Variants in COL1A1 observed in about 807,000 individuals in gnomAD.
The protein encoded by COL1A1 is collagen type I alpha 1 chain, also known as collagen alpha-1(I) chain.
A neutral mutation model predicts 195.7 loss-of-function variants in COL1A1; 21 were observed. The observed-to-expected ratio is 0.11, with a 90% CI of 0.08 to 0.15. COL1A1 has a LOEUF of 0.15. Ranked by LOEUF, COL1A1 falls within the 10% of genes least tolerant of loss-of-function variation. The pLI, the probability that COL1A1 is intolerant of heterozygous loss-of-function variation, is 1.00. For missense variants in COL1A1, 1,365 were observed against 2,051.0 expected (o/e 0.67, Z 6.46); for synonymous variants, 749 against 747.3 (o/e 1.00, Z -0.04).
intron 1 of COL1A1, chr17:50,200,184 T>G: frequency 1.1e-5 from 6 of 569,796 alleles, no homozygotes; most frequent in East Asian, 3.0e-5. Flanking sequence ...AACAAAGCTT[T>G]AGTCCGCGGT....
At chr17:50,200,795 C>G (rs950398439) in intron 1 of COL1A1, among the ~76,000 whole-genome samples, 1 of 152,192 alleles carries the variant, frequency 6.6e-6, no homozygotes, top group Non-Finnish European at 1.5e-5. Context: ...GGTGGGGGTC[C>G]GCACCCAGCA....
At chr17:50,191,024 C>G (rs1907029186) in intron 32 of COL1A1, 100 bp from the exon 33 acceptor site, 11 of 1,109,968 alleles carry the variant, frequency 9.9e-6, no homozygotes, top group Non-Finnish European at 1.3e-5. Context: ...CTCTGCAGCT[C>G]TGCCCTGCCT....
Position 50,186,219 on chromosome 17 carries a change from A to C in COL1A1, c.4005+98T>G. ...CCTGCCTCCCAGCCCAGCTCTGTCC[A>C]TCACCCTTAGCAGAGACCTACTCCA... On this transcript the variant is annotated intron_variant, in intron 49 of 50. Transcript: ENST00000225964. The surrounding 1 kb of genome is among the most constrained non-coding windows in gnomAD (Gnocchi z 5.3). 6.4e-7 allele frequency: 1 copy of C among 1,563,716 alleles called. No individual in the cohort carries two copies. The highest frequency in any genetic ancestry group is 1.1e-5 in the South Asian group (1 of 89,742).
Position 50,195,871 on chromosome 17 carries a change from T to C in COL1A1, c.1056+52A>G. 6.4e-7 allele frequency: 1 copy of C among 1,550,532 alleles called. No individual in the cohort carries two copies. On this transcript the variant is annotated intron_variant, in intron 16 of 50. Transcript: ENST00000225964. This position sits in a 1 kb window ranked among gnomAD's most constrained non-coding sequence, Gnocchi z 4.3. ...CTTTGGTTTGGGGAACAGGGAGACATGAACCCCTTGGCCCATGAGGGTCAT... is the reference window on the plus strand; with the variant it reads ...CTTTGGTTTGGGGAACAGGGAGACACGAACCCCTTGGCCCATGAGGGTCAT...
At chr17:50,191,337 G>T in intron 32 of COL1A1, 46 bp downstream of exon 32, 1 of 1,505,104 alleles carries the variant, frequency 6.6e-7, no homozygotes, top group Non-Finnish European at 9.3e-7. Flanking sequence ...AGCAGGCAGA[G>T]ATGGGAGCCA....
chr17:50,188,672 C>G lies in COL1A1; in HGVS notation c.3100-35G>C. 2 of 1,613,268 alleles carry G rather than the reference C, an allele frequency of 1.2e-6. No homozygotes were observed. The highest frequency in any genetic ancestry group is 2.2e-5 in the South Asian group (2 of 91,058). ...AGAGCAGGGGAATATGGGTCAGCCC[C>G]GGGTGAAGGGCCAGGATGGGGCAGG... On this transcript the variant is annotated intron_variant, in intron 42 of 50. Transcript: ENST00000225964. The surrounding 1 kb of genome is among the most constrained non-coding windows in gnomAD (Gnocchi z 5.6).
intron 8 of COL1A1, 42 bp downstream of exon 8, chr17:50,197,907 G>A: frequency 6.2e-7 from 1 of 1,606,502 alleles, no homozygotes; most frequent in African/African-American, 1.3e-5. Flanking sequence ...GAGAGTCTGT[G>A]TGTTTGTAGA....
In COL1A1 at chr17:50,199,823, G is replaced by T. The variant is rs1314366641; in HGVS notation, c.228C>A (p.Asp76Glu). The T allele has an allele frequency of 6.2e-7, 1 of 1,613,974 alleles. No individual in the cohort carries two copies. Among genetic ancestry groups the T allele is most frequent in the Non-Finnish European group, 8.5e-7 (1 of 1,180,026 alleles). ...CGGCGCCGGGGCAGTTCTTGGTCTC[G>T]TCACAGATCACGTCATCGCACAACA... ...GKVLCDDVIC[D>E]ETKNCPGAEV... The change falls in exon 2 of 51, where the codon GAC becomes GAA. Residue 76 changes from aspartate (D) to glutamate (E), a missense_variant. Transcript: ENST00000225964.
At chr17:50,193,147 C>A in intron 25 of COL1A1, 100 bp from the exon 26 acceptor site, 1 of 1,257,374 alleles carries the variant, frequency 8.0e-7, no homozygotes, top group Non-Finnish European at 1.1e-6. Flanking sequence ...AAGGGACTTT[C>A]TTTTCAAAAG....
chr17:50,191,291 G>T, intron 32 of COL1A1, 92 bp downstream of exon 32: 1 of 1,206,606 alleles, frequency 8.3e-7, no homozygotes, highest in South Asian at 1.2e-5. Flanking sequence ...AAGAGGGACA[G>T]ATCCCAGAGA....
At chr17:50,198,837 G>A (rs1003456002) in intron 5 of COL1A1, 4 of 430,748 alleles carry the variant, frequency 9.3e-6, no homozygotes, top group African/African-American at 8.0e-5. Context: ...CCAGATTGGG[G>A]TGGTGGGGGG....
Position 50,185,394 on chromosome 17 carries a change from C to G in COL1A1, c.*108G>C. 1.7e-6 allele frequency: 2 copies of G among 1,205,224 alleles called. No individual in the cohort carries two copies. The highest frequency in any genetic ancestry group is 2.4e-5 in the South Asian group (2 of 81,902). The allele number at this position is 1,205,224 out of a possible 1,614,324, so 74.7% of individuals were successfully genotyped here. On this transcript the variant is annotated 3_prime_UTR_variant, in exon 51 of 51. Transcript: ENST00000225964. ...TTTTCCAAAGTCCATGTGAAATTGT[C>G]TCCCATTTTTTGGCTTTTGAGGGGG...
In COL1A1 at chr17:50,198,494, G is replaced by C; in HGVS notation, c.482C>G (p.Pro161Arg). Reference sequence around the variant, plus strand: ...CTCATCATAGCCATAAGACAGCTGGGGAGCAAAGTTCTAGAACAAACAAGA... The same window carrying C: ...CTCATCATAGCCATAAGACAGCTGGCGAGCAAAGTTCTAGAACAAACAAGA... The part of the protein sequence containing the change: ...GPPGLGGNFA[P>R]QLSYGYDEKS... Residue 161 changes from proline to arginine, a missense_variant, in exon 6 of 51, where the codon CCC becomes CGC. Coordinates refer to ENST00000225964, the MANE Select transcript of COL1A1 (RefSeq NM_000088.4). The C allele has an allele frequency of 1.2e-6, 2 of 1,612,566 alleles. No individual in the cohort carries two copies. Among genetic ancestry groups the C allele is most frequent in the Non-Finnish European group, 1.7e-6 (2 of 1,179,430 alleles).
At chr17:50,193,479 TTCTTC>T in intron 25 of COL1A1, 1 of 148,560 alleles carries the variant, frequency 6.7e-6, no homozygotes, top group Non-Finnish European at 1.2e-5. Context: ...CTTTCTTTCT[TTCTTC>T]TTTTTTTTTT....
chr17:50,198,218 A>G lies in COL1A1; in HGVS notation c.544-13T>C, dbSNP rs1043844404. 6.2e-7 allele frequency: 1 copy of G among 1,613,924 alleles called. No individual in the cohort carries two copies. Among genetic ancestry groups the G allele is most frequent in the African/African-American group, 1.3e-5 (1 of 74,990 alleles). ...GACCAGAGGGACCCTATAGAGGGAGAAGAAAGGGGGGTCATGGTGATCCCT... is the reference window on the plus strand; with the variant it reads ...GACCAGAGGGACCCTATAGAGGGAGGAGAAAGGGGGGTCATGGTGATCCCT... On this transcript the variant is annotated splice_polypyrimidine_tract_variant and intron_variant, in intron 6 of 50. Coordinates refer to ENST00000225964, the MANE Select transcript of COL1A1 (RefSeq NM_000088.4).
chr17:50,191,041 G>A, intron 32 of COL1A1, 117 bp from the exon 33 acceptor site: 1 of 980,804 alleles, frequency 1.0e-6, no homozygotes, highest in South Asian at 1.4e-5. Flanking sequence ...GCCTCCACCT[G>A]GGCCAAGGAC....
Position 50,196,521 on chromosome 17 carries a change from G to A in COL1A1, c.866C>T (p.Pro289Leu). Reference protein sequence around the residue: ...DAGPAGPKGEPGSPGENGAPG... With the variant: ...DAGPAGPKGELGSPGENGAPG... ...AGCTCCATTTTCACCAGGGCTGCCA[G>A]GCTCACCCTGTAGATCAGAGAATAA... Residue 289 changes from proline to leucine, a missense_variant, in exon 13 of 51, where the codon CCT becomes CTT. This residue lies in a region of COL1A1 where 226 missense variants were observed against 372.9 expected (regional missense o/e 0.61). Coordinates refer to ENST00000225964, the MANE Select transcript of COL1A1 (RefSeq NM_000088.4). The A allele has an allele frequency of 6.2e-7, 1 of 1,614,222 alleles. No homozygotes were observed. Among genetic ancestry groups the A allele is most frequent in the Non-Finnish European group, 8.5e-7 (1 of 1,180,044 alleles).
chr17:50,187,066 G>T lies in COL1A1; in HGVS notation c.3480C>A (p.Gly1160=). The change falls in exon 47 of 51, where the codon GGC becomes GGA. Residue 1160 remains glycine (G), a synonymous_variant. Coordinates refer to ENST00000225964, the MANE Select transcript of COL1A1 (RefSeq NM_000088.4). ...PGKDGLNGLP[G]PIGPPGPRGR... Reference sequence around the variant, plus strand: ...CGCGAGGACCAGGGGGCCCAATGGGGCCAGGGAGACCGTTGAGTCCATCTT... The same window carrying T: ...CGCGAGGACCAGGGGGCCCAATGGGTCCAGGGAGACCGTTGAGTCCATCTT... 1.2e-6 allele frequency: 2 copies of T among 1,613,748 alleles called. No individual in the cohort carries two copies. The highest frequency in any genetic ancestry group is 1.7e-6 in the Non-Finnish European group (2 of 1,179,890).
chr17:50,187,697 C>A, intron 45 of COL1A1, 160 bp from the exon 46 acceptor site: 1 of 939,554 alleles, frequency 1.1e-6, no homozygotes, highest in Non-Finnish European at 1.7e-6. Context: ...CTCCCATAAT[C>A]CCTCTCTGTG....
Sources: gnomAD v4.1 joint callset for allele counts (sites outside exome capture counted in the v4.1 genomes callset) on GRCh38, gnomAD v4.1.1 for gene constraint, gnomAD v4.1.1 regional missense constraint, Gnocchi (gnomAD v3.1) non-coding constraint, MANE v1.5 for transcripts, NCBI Gene and HGNC (gene_info 2026-07-23, HGNC 2026-07-21) for gene names.